COL23A1: variants seen among roughly 807,000 people sequenced by gnomAD.
The protein encoded by COL23A1 is collagen alpha-1(XXIII) chain.
In COL23A1, 97 loss-of-function variants were observed where a neutral mutation model predicts 99.3. That is an observed-to-expected ratio of 0.98 (90% CI 0.83 to 1.16). The LOEUF (loss-of-function observed/expected upper bound fraction) is 1.16, where lower values mean the gene tolerates loss of function less well. COL23A1 is among the 50% of genes most tolerant of loss of function. The probability of loss-of-function intolerance (pLI) is 0.00; values close to 1 mark genes in which losing one functional copy is unlikely to be tolerated. For missense variants in COL23A1, 762 were observed against 757.4 expected (o/e 1.01, Z -0.07); for synonymous variants, 320 against 308.2 (o/e 1.04, Z -0.40).
chr5:178,321,366 T>C (rs1013374316), intron 2 of COL23A1, among the ~76,000 whole-genome samples: 1 of 152,118 alleles, frequency 6.6e-6, no homozygotes, highest in Non-Finnish European at 1.5e-5. Flanking sequence ...TGACTCTGGG[T>C]ATCTCATACA....
chr5:178,346,713 A>T (rs1199419079), intron 2 of COL23A1, among the ~76,000 whole-genome samples: 2 of 152,152 alleles, frequency 1.3e-5, no homozygotes, highest in African/African-American at 4.8e-5. Flanking sequence ...GGCCCTTTTC[A>T]TTCTTTTCCT....
chr5:178,378,368 C>CAT (rs1200312562), intron 2 of COL23A1: 1 of 152,086 alleles, frequency 6.6e-6, no homozygotes, highest in Non-Finnish European at 1.5e-5. Context: ...CCATGCCCCA[C>CAT]AGCAAGTGGG....
At chr5:178,560,659 A>G in intron 2 of COL23A1, 23 bp downstream of exon 2, 2 of 1,607,570 alleles carry the variant, frequency 1.2e-6, no homozygotes, top group Non-Finnish European at 1.7e-6. Context: ...CAGGAGCCAG[A>G]AGGGAGCTCA....
chr5:178,344,011 A>G (rs1446327012), intron 2 of COL23A1, among the ~76,000 whole-genome samples: 3 of 152,116 alleles, frequency 2.0e-5, no homozygotes, highest in African/African-American at 7.2e-5. Context: ...CTCTTCTCCA[A>G]AAGTCCAAGA....
intron 2 of COL23A1, among the ~76,000 whole-genome samples, chr5:178,448,352 A>G (rs1767283893): frequency 1.8e-5 from 1 of 54,976 alleles, no homozygotes; most frequent in African/African-American, 7.8e-5. Flanking sequence ...TGCTAGTCGC[A>G]GTCCGTTTTG....
intron 1 of COL23A1, among the ~76,000 whole-genome samples, chr5:178,582,380 G>A (rs1763708570): frequency 6.6e-6 from 1 of 152,186 alleles, no homozygotes; most frequent in South Asian, 2.1e-4. Context: ...GCTGCCTGGA[G>A]GAGGGCACTG....
At chr5:178,537,137 AG>A (rs1761011104) in intron 2 of COL23A1, among the ~76,000 whole-genome samples, 1 of 152,014 alleles carries the variant, frequency 6.6e-6, no homozygotes, top group Non-Finnish European at 1.5e-5. Flanking sequence ...GCGTAGAGGG[AG>A]GGGGTCCCAC....
chr5:178,288,446 C>T (rs982895789), intron 4 of COL23A1, 96 bp from the exon 5 acceptor site: 36 of 1,062,952 alleles, frequency 3.4e-5, no homozygotes, highest in Middle Eastern at 4.0e-4. Context: ...ACACCCGCCC[C>T]CCGACAGCTG....
chr5:178,249,561 G>A lies in COL23A1; in HGVS notation c.1060-355C>T, dbSNP rs576193690. Among the ~76,000 whole-genome samples the A allele has an allele frequency of 6.6e-4, 100 of 152,266 alleles. 1 individual carries two copies. Among genetic ancestry groups the A allele is most frequent in the South Asian group, 5.4e-3 (26 of 4,828 alleles). ...ACCCCCACAAACTCTTCCAGCCACC[G>A]AATCCCTCCATTCAACCAATTACAT... On this transcript the variant is annotated intron_variant, in intron 18 of 28. Transcript: ENST00000390654.
intron 2 of COL23A1, among the ~76,000 whole-genome samples, chr5:178,471,538 C>T (rs1222859493): frequency 5.9e-5 from 9 of 152,118 alleles, no homozygotes; most frequent in Admixed American, 4.6e-4. Flanking sequence ...TGTGCCTTGG[C>T]CTGCTTTTTA....
At chr5:178,320,667 G>A (rs761087139) in intron 2 of COL23A1, among the ~76,000 whole-genome samples, 4 of 152,208 alleles carry the variant, frequency 2.6e-5, no homozygotes, top group African/African-American at 7.2e-5. Flanking sequence ...TCCTTGCCTC[G>A]CACCCCAGGG....
chr5:178,427,025 C>T (rs1026215780), intron 2 of COL23A1, among the ~76,000 whole-genome samples: 2 of 152,104 alleles, frequency 1.3e-5, no homozygotes, highest in African/African-American at 2.4e-5. Flanking sequence ...GGTGAAACCC[C>T]GTCTCTACTA....
In COL23A1 at chr5:178,497,516, A is replaced by G. The variant is rs1269052454; in HGVS notation, c.361+63166T>C. 3.3e-5 allele frequency among the ~76,000 whole-genome samples: 5 copies of G among 152,350 alleles called. No homozygotes were observed. In the East Asian group the frequency reaches 9.6e-4, roughly 29 times the overall value. ...CGTGGAAGAAGGCAAGGCCCTGTGG[A>G]TGAGAGTCAGGAGAAACAAGAAGCA... On this transcript the variant is annotated intron_variant, in intron 2 of 28. Coordinates refer to ENST00000390654, the MANE Select transcript of COL23A1 (RefSeq NM_173465.4).
chr5:178,513,618 TC>T (rs1174888300), intron 2 of COL23A1, among the ~76,000 whole-genome samples: 1 of 152,022 alleles, frequency 6.6e-6, no homozygotes, highest in African/African-American at 2.4e-5. Context: ...AGGACTGAGG[TC>T]CCCACGTTTT....
intron 28 of COL23A1, 57 bp downstream of exon 28, chr5:178,239,084 T>TGCCCC: frequency 1.3e-6 from 2 of 1,593,688 alleles, no homozygotes; most frequent in Non-Finnish European, 1.7e-6. Context: ...GCCCTCCCAT[T>TGCCCC]CCCCCACCCT....
chr5:178,579,493 G>A (rs1581675657), intron 1 of COL23A1, among the ~76,000 whole-genome samples: 3 of 152,056 alleles, frequency 2.0e-5, no homozygotes, highest in Non-Finnish European at 2.9e-5. Flanking sequence ...TTGCTCTGTC[G>A]CCCAGGATAG....
intron 2 of COL23A1, among the ~76,000 whole-genome samples, chr5:178,473,525 G>A (rs1043292889): frequency 6.7e-6 from 1 of 148,514 alleles, no homozygotes; most frequent in African/African-American, 2.5e-5. Context: ...TGTTGCCCAG[G>A]CTGGTCTTGA....
intron 2 of COL23A1, among the ~76,000 whole-genome samples, chr5:178,473,341 C>T (rs1420401890): frequency 2.0e-5 from 3 of 152,010 alleles, no homozygotes; most frequent in African/African-American, 4.8e-5. Flanking sequence ...GTCACCCAGG[C>T]TGGAGTGCAG....
rs1267126787 is a variant in COL23A1 at position 178,365,024 on chromosome 5, G to C, written c.362-58105C>G. ...TTAAGCAATGGGCTCTTCCTGTCAGGCGAATAAACAGATGCACAAGCAGAT... is the reference window on the plus strand; with the variant it reads ...TTAAGCAATGGGCTCTTCCTGTCAGCCGAATAAACAGATGCACAAGCAGAT... On this transcript the variant is annotated intron_variant, in intron 2 of 28. Transcript: ENST00000390654. The surrounding 1 kb of genome is among the most constrained non-coding windows in gnomAD (Gnocchi z 5.2). Among the ~76,000 whole-genome samples, 9 of 152,156 alleles carry C rather than the reference G, an allele frequency of 5.9e-5. No individual in the cohort carries two copies.
Sources: allele counts gnomAD v4.1 joint callset (sites outside exome capture counted in the v4.1 genomes callset), GRCh38; gene constraint gnomAD v4.1.1; non-coding constraint Gnocchi (gnomAD v3.1); transcripts MANE v1.5; gene names NCBI Gene and HGNC (gene_info 2026-07-23, HGNC 2026-07-21).